Variants in SEMA3G observed in about 807,000 individuals in gnomAD.
SEMA3G encodes the protein semaphorin 3G.
SEMA3G carries 70 observed loss-of-function variants against 86.2 expected under a neutral mutation model. That is an observed-to-expected ratio of 0.81 (90% CI 0.67 to 0.99). SEMA3G has a LOEUF of 0.99. Among genes scored for constraint, SEMA3G ranks in the 50% least tolerant of loss-of-function variants. SEMA3G has a pLI of 0.00. For missense variants in SEMA3G, 1,002 were observed against 1,072.4 expected, an observed-to-expected ratio of 0.93 and a Z score of 0.92; for synonymous variants, 416 against 441.4, an observed-to-expected ratio of 0.94 and a Z score of 0.72.
Position 52,441,059 on chromosome 3 carries a change from A to C in SEMA3G, c.814-11T>G. ...GCCCCCAGCATCATTCTGCAGGATA[A>C]GGGGCCAGAGTCACGCTTGGGCCCC... On this transcript the variant is annotated splice_polypyrimidine_tract_variant and intron_variant, in intron 7 of 15. Coordinates refer to ENST00000231721, the MANE Select transcript of SEMA3G (RefSeq NM_020163.3). 6.3e-7 allele frequency: 1 copy of C among 1,581,964 alleles called. No homozygotes were observed. The highest frequency in any genetic ancestry group is 8.6e-7 in the Non-Finnish European group (1 of 1,169,128).
At chr3:52,438,667 T>G (rs1433384886) in intron 13 of SEMA3G, 2 of 985,374 alleles carry the variant, frequency 2.0e-6, no homozygotes, top group Non-Finnish European at 1.2e-6. Flanking sequence ...CTGGATTTTG[T>G]GTTTTCAGGC....
chr3:52,441,993 G>T (rs950015905), intron 4 of SEMA3G, 84 bp from the exon 5 acceptor site: 3 of 1,337,416 alleles, frequency 2.2e-6, no homozygotes, highest in African/African-American at 1.4e-5. Context: ...GCCCTCGCGT[G>T]CGGCCAGAGA....
rs1706119159 is a variant in SEMA3G at position 52,440,096 on chromosome 3, G to A, written c.1146C>T (p.Cys382=). ...CTGGCTGTGCGGTCATCTTGCTGGG[G>A]CACTGTGGGCAGCAGGGAAGGGAGT... ...GKVPFPRPGV[C]PSKMTAQPGR... is the part of the protein sequence containing the mutation. The change falls in exon 11 of 16, where the codon TGC becomes TGT. Residue 382 remains cysteine (C), a splice_region_variant and synonymous_variant. Coordinates refer to ENST00000231721, the MANE Select transcript of SEMA3G (RefSeq NM_020163.3). 2 of 1,573,640 alleles carry A rather than the reference G, an allele frequency of 1.3e-6. No homozygotes were observed. The highest frequency in any genetic ancestry group is 8.7e-7 in the Non-Finnish European group (1 of 1,154,808).
In SEMA3G at chr3:52,441,185, CA is replaced by C. The variant is rs1465106227; in HGVS notation, c.813+78del. On this transcript the variant is annotated intron_variant, in intron 7 of 15. Coordinates refer to ENST00000231721, the MANE Select transcript of SEMA3G (RefSeq NM_020163.3). ...TTGCCTCAGTTTCCCTACTGCTGGC[CA>C]GGGGTGGGGGGAGAAAGGTCTGGGA... The C allele has an allele frequency of 7.7e-6, 12 of 1,553,474 alleles. No homozygotes were observed. The Admixed American group carries it at 2.0e-4, about 26-fold the overall frequency.
chr3:52,441,771 G>A (rs775266063), intron 5 of SEMA3G, 48 bp downstream of exon 5: 40 of 1,589,530 alleles, frequency 2.5e-5, no homozygotes, highest in Non-Finnish European at 3.3e-5. Context: ...AGTGACATAG[G>A]CCAGCTGCCA....
rs1706005874 is a variant in SEMA3G at position 52,434,440 on chromosome 3, CAG to C, written c.*1161_*1162del. 1 of 152,110 alleles carries C rather than the reference CAG, an allele frequency of 6.6e-6. No homozygotes were observed. Among genetic ancestry groups the C allele is most frequent in the Non-Finnish European group, 1.5e-5 (1 of 68,014 alleles). The allele number at this position is 152,110 out of a possible 1,614,324, so 9.4% of individuals were successfully genotyped here. A position where few individuals can be genotyped will look rare whatever the true frequency, so the allele number is the denominator to read the frequency against. On this transcript the variant is annotated 3_prime_UTR_variant, in exon 16 of 16. Coordinates refer to ENST00000231721, the MANE Select transcript of SEMA3G (RefSeq NM_020163.3). The surrounding 1 kb of genome is among the most constrained non-coding windows in gnomAD (Gnocchi z 5.2). ...CTTCCTAAATCCATTTAGCATAAAA[CAG>C]AGATTCCAGAGATGGAAACACTGGG...
At chr3:52,439,068 A>C (rs921451192) in intron 12 of SEMA3G, 107 bp from the exon 13 acceptor site, 7 of 1,242,618 alleles carry the variant, frequency 5.6e-6, no homozygotes, top group Non-Finnish European at 8.0e-6. Flanking sequence ...CCTAGCTCCC[A>C]GGCTGGGTCT....
rs1210698025 is a variant in SEMA3G, at chr3:52,436,032, C to T, written c.1920G>A (p.Leu640=). Residue 640 remains leucine, a synonymous_variant, in exon 16 of 16, where the codon CTG becomes CTA. Coordinates refer to ENST00000231721, the MANE Select transcript of SEMA3G (RefSeq NM_020163.3). The part of the protein sequence containing the change: ...DERVLHTERG[L]LFRRLSRFDA... ...CGAAACGGCTAAGCCTGCGGAACAG[C>T]AGCCCCCGCTCCGTGTGCAAGACTC... is the stretch of plus-strand genomic sequence containing the variant. 1.2e-6 allele frequency: 2 copies of T among 1,613,090 alleles called. No homozygotes were observed. The highest frequency in any genetic ancestry group is 3.3e-5 in the Admixed American group (2 of 60,012).
In SEMA3G at chr3:52,440,487, G is replaced by A; in HGVS notation, c.1033C>T (p.His345Tyr). ...AAAACCTCCCAGATGTCTGCCATGT[G>A]GTACACACAGACGGCGAAGCCCTGG... is the stretch of plus-strand genomic sequence containing the variant. ...VFQGFAVCVY[H>Y]MADIWEVFNG... Residue 345 changes from histidine to tyrosine, a missense_variant, in exon 10 of 16, where the codon CAC becomes TAC. His to Tyr is a moderately conservative substitution (Grantham distance 83). Transcript: ENST00000231721. 1 of 1,611,862 alleles carries A rather than the reference G, an allele frequency of 6.2e-7. No homozygotes were observed. The highest frequency in any genetic ancestry group is 8.5e-7 in the Non-Finnish European group (1 of 1,179,552).
intron 5 of SEMA3G, 21 bp from the exon 6 acceptor site, chr3:52,441,711 CAG>C (rs1311970817): frequency 6.2e-7 from 1 of 1,607,968 alleles, no homozygotes; most frequent in Non-Finnish European, 8.5e-7. Flanking sequence ...GGTTGGGGAA[CAG>C]AGTCAGGGGA....
At chr3:52,441,545 C>A in intron 6 of SEMA3G, 29 bp downstream of exon 6, 2 of 1,598,856 alleles carry the variant, frequency 1.3e-6, no homozygotes, top group South Asian at 1.1e-5. Flanking sequence ...AGCCTCTTCA[C>A]CCCTGCCAGT....
rs1428078117 is a variant in SEMA3G at position 52,439,588 on chromosome 3, G to A, written c.1467+92C>T. ...CTGCAAATTCAGTAAAGACAGGCTGGCTCCCTACTGGGCTTGCTCCTGCAT... is the reference window on the plus strand; with the variant it reads ...CTGCAAATTCAGTAAAGACAGGCTGACTCCCTACTGGGCTTGCTCCTGCAT... On this transcript the variant is annotated intron_variant, in intron 12 of 15. Transcript: ENST00000231721. 4.9e-6 allele frequency: 5 copies of A among 1,011,824 alleles called. No individual in the cohort carries two copies. The African/African-American group carries it at 8.0e-5, about 16-fold the overall frequency. The allele number at this position is 1,011,824 out of a possible 1,614,324, so 62.7% of individuals were successfully genotyped here. A position where few individuals can be genotyped will look rare whatever the true frequency, so the allele number is the denominator to read the frequency against.
Position 52,441,027 on chromosome 3 carries a change from C to T in SEMA3G, c.835G>A (p.Val279Met). The T allele has an allele frequency of 1.3e-6, 2 of 1,599,780 alleles. No homozygotes were observed. The highest frequency in any genetic ancestry group is 1.7e-6 in the Non-Finnish European group (2 of 1,178,368). The part of the protein sequence containing the change: ...VCVNDAGGQR[V>M]LVNKWSTFLK... ...AAAGTGCTCCATTTGTTCACCAGCA[C>T]CCGCTGGCCCCCAGCATCATTCTGC... The change falls in exon 8 of 16, where the codon GTG (valine) becomes ATG (methionine). Residue 279 changes from valine (V) to methionine (M), a missense_variant. Val to Met is a conservative substitution (Grantham distance 21). Coordinates refer to ENST00000231721, the MANE Select transcript of SEMA3G (RefSeq NM_020163.3).
At position 52,443,789 on chromosome 3, in the gene SEMA3G, C is replaced by T. The variant is rs55923131; in HGVS notation, c.116-882G>A. ...GACCTCCCCGCAAAACCACAGCTCC[C>T]GGAACAAGACCACATTCCCCTCAGC... On this transcript the variant is annotated intron_variant, in intron 1 of 15. Coordinates refer to ENST00000231721, the MANE Select transcript of SEMA3G (RefSeq NM_020163.3). Among the ~76,000 whole-genome samples the T allele has an allele frequency of 5.9e-5, 9 of 152,334 alleles. No homozygotes were observed. In the East Asian group the frequency reaches 1.4e-3, roughly 23 times the overall value.
intron 15 of SEMA3G, among the ~76,000 whole-genome samples, 191 bp downstream of exon 15, chr3:52,437,336 C>T (rs1376649526): frequency 6.6e-6 from 1 of 152,178 alleles, no homozygotes; most frequent in Non-Finnish European, 1.5e-5. Context: ...CCACATCTGG[C>T]CTGGGCATTC....
Position 52,442,687 on chromosome 3 carries a change from C to T in SEMA3G, c.276+60G>A. The T allele has an allele frequency of 6.2e-7, 1 of 1,613,712 alleles. No homozygotes were observed. Among genetic ancestry groups the T allele is most frequent in the Non-Finnish European group, 8.5e-7 (1 of 1,179,736 alleles). ...TCACAGGCTCAGTTTCCCCATCTGG[C>T]CTCCCATCTGGAGGTGCCCAGTTCT... is the stretch of plus-strand genomic sequence containing the variant. On this transcript the variant is annotated intron_variant, in intron 2 of 15. Coordinates refer to ENST00000231721, the MANE Select transcript of SEMA3G (RefSeq NM_020163.3). This position sits in a 1 kb window ranked among gnomAD's most constrained non-coding sequence, Gnocchi z 6.1.
intron 1 of SEMA3G, among the ~76,000 whole-genome samples, chr3:52,444,059 A>G (rs1706212376): frequency 6.6e-6 from 1 of 152,142 alleles, no homozygotes; most frequent in Non-Finnish European, 1.5e-5. Flanking sequence ...GCAGGAGCAC[A>G]TGAACAAGCC....
rs912401147 is a variant in SEMA3G at position 52,434,383 on chromosome 3, C to G, written c.*1220G>C. 2.0e-5 allele frequency: 3 copies of G among 152,108 alleles called. No individual in the cohort carries two copies. The highest frequency in any genetic ancestry group is 4.4e-5 in the Non-Finnish European group (3 of 68,006). 9.4% of individuals were successfully genotyped at this position (152,108 alleles called of 1,614,324 possible). A position where few individuals can be genotyped will look rare whatever the true frequency, so the allele number is the denominator to read the frequency against. ...GACTTACACTTCTTCGTCCTTTTCT[C>G]TACCTTGTTTCCCCCTTAAAAGAAA... On this transcript the variant is annotated 3_prime_UTR_variant, in exon 16 of 16. Coordinates refer to ENST00000231721, the MANE Select transcript of SEMA3G (RefSeq NM_020163.3). The surrounding 1 kb of genome is among the most constrained non-coding windows in gnomAD (Gnocchi z 5.2).
In SEMA3G at chr3:52,442,970, G is replaced by A; in HGVS notation, c.116-63C>T. On this transcript the variant is annotated intron_variant, in intron 1 of 15. Coordinates refer to ENST00000231721, the MANE Select transcript of SEMA3G (RefSeq NM_020163.3). This position sits in a 1 kb window ranked among gnomAD's most constrained non-coding sequence, Gnocchi z 6.1. Reference sequence around the variant, plus strand: ...CTCAGCCTAGTTCCCCAGCCAAGGAGTGGAGGTGGAGGCCCCGGCTGAGCA... The same window carrying A: ...CTCAGCCTAGTTCCCCAGCCAAGGAATGGAGGTGGAGGCCCCGGCTGAGCA... The A allele has an allele frequency of 1.3e-6, 2 of 1,551,462 alleles. No individual in the cohort carries two copies. The highest frequency in any genetic ancestry group is 1.2e-5 in the South Asian group (1 of 84,114).
Sources: allele counts gnomAD v4.1 joint callset (sites outside exome capture counted in the v4.1 genomes callset), GRCh38; gene constraint gnomAD v4.1.1; non-coding constraint Gnocchi (gnomAD v3.1); transcripts MANE v1.5; gene names NCBI Gene and HGNC (gene_info 2026-07-23, HGNC 2026-07-21).